KCNMB2: variants seen among roughly 807,000 people sequenced by gnomAD.
KCNMB2 encodes the protein calcium-activated potassium channel subunit beta-2.
A neutral mutation model predicts 24.5 loss-of-function variants in KCNMB2; 9 were observed. The ratio of observed to expected loss-of-function variants is 0.37; its 90% CI spans 0.22 to 0.64. The LOEUF (loss-of-function observed/expected upper bound fraction) is 0.64, where lower values mean the gene tolerates loss of function less well. KCNMB2 is among the 30% of genes least tolerant of loss of function. The pLI is 0.63. For missense variants in KCNMB2, 226 were observed against 284.3 expected (o/e 0.79, Z 1.47); for synonymous variants, 109 against 104.4 (o/e 1.04, Z -0.27).
chr3:178,759,150 ATATC>A lies in KCNMB2; in HGVS notation c.-67-48187_-67-48184del, dbSNP rs1173412986. Among the ~76,000 whole-genome samples, 9 of 72,314 alleles carry A rather than the reference ATATC, an allele frequency of 1.2e-4. 1 individual carries two copies. Among genetic ancestry groups the A allele is most frequent in the African/African-American group, 4.1e-4 (7 of 16,960 alleles). 47.4% of individuals were successfully genotyped at this position (72,314 alleles called of 152,430 possible). A position where few individuals can be genotyped will look rare whatever the true frequency, so the allele number is the denominator to read the frequency against. ...ATATCTCCAAGAGGGATATATATAT[ATATC>A]TATCTCCAAGAGGGATACATATATA... On this transcript the variant is annotated intron_variant, in intron 1 of 4. Coordinates refer to ENST00000452583, the MANE Select transcript of KCNMB2 (RefSeq NM_181361.3).
chr3:178,844,170 TA>T lies in KCNMB2; in HGVS notation c.*1234del, dbSNP rs1370504506. On this transcript the variant is annotated 3_prime_UTR_variant, in exon 5 of 5. Transcript: ENST00000452583. ...AAAAAACATTCCATCTTTCATTTAA[TA>T]TCAATATCAAAAGAAGAAGACAAAC... 2.0e-5 allele frequency: 3 copies of T among 152,560 alleles called. No homozygotes were observed. Among genetic ancestry groups the T allele is most frequent in the African/African-American group, 7.2e-5 (3 of 41,448 alleles). The allele number at this position is 152,560 out of a possible 1,614,324, so 9.5% of individuals were successfully genotyped here.
At chr3:178,572,012 T>C (rs1242324924) in intron 1 of KCNMB2, among the ~76,000 whole-genome samples, 1 of 152,246 alleles carries the variant, frequency 6.6e-6, no homozygotes, top group African/African-American at 2.4e-5. Context: ...TGTGTCTTTG[T>C]TTCCCACTCT....
chr3:178,719,208 T>TCAGCATACCAAACC (rs1722718306), intron 1 of KCNMB2, among the ~76,000 whole-genome samples: 1 of 152,152 alleles, frequency 6.6e-6, no homozygotes, highest in Non-Finnish European at 1.5e-5. Flanking sequence ...CTTTCTCCTG[T>TCAGCATACCAAACC]CAGCATACCA....
chr3:178,561,683 A>C (rs1716321459), intron 1 of KCNMB2, among the ~76,000 whole-genome samples: 1 of 152,240 alleles, frequency 6.6e-6, no homozygotes, highest in African/African-American at 2.4e-5. Context: ...TCCCTGTATC[A>C]GGAGATTCAA....
intron 1 of KCNMB2, among the ~76,000 whole-genome samples, chr3:178,704,061 G>A (rs992275556): frequency 2.6e-5 from 4 of 151,978 alleles, no homozygotes; most frequent in African/African-American, 9.7e-5. Flanking sequence ...TTATAATGCT[G>A]GAATTTGAAA....
chr3:178,571,447 G>GAGAT lies in KCNMB2; in HGVS notation c.-68+34737_-68+34738insGATA, dbSNP rs1491315279. Among the ~76,000 whole-genome samples the GAGAT allele has an allele frequency of 3.1e-3, 279 of 91,090 alleles. 3 individuals carry two copies. The highest frequency in any genetic ancestry group is 8.7e-3 in the African/African-American group (264 of 30,184). 59.8% of individuals were successfully genotyped at this position (91,090 alleles called of 152,430 possible). A position where few individuals can be genotyped will look rare whatever the true frequency, so the allele number is the denominator to read the frequency against. On this transcript the variant is annotated intron_variant, in intron 1 of 4. Coordinates refer to ENST00000452583, the MANE Select transcript of KCNMB2 (RefSeq NM_181361.3). ...TCTGTGGATCTGCCTTTTCCTTATG[G>GAGAT]ATATATATATATATATATATATATA... is the stretch of plus-strand genomic sequence containing the variant.
chr3:178,543,216 T>G (rs1360644931), intron 1 of KCNMB2, among the ~76,000 whole-genome samples: 1 of 152,232 alleles, frequency 6.6e-6, no homozygotes, highest in Non-Finnish European at 1.5e-5. Context: ...GTATGACATT[T>G]GCTCACTGCT....
At chr3:178,627,505 T>C (rs1719164954) in intron 1 of KCNMB2, among the ~76,000 whole-genome samples, 1 of 152,224 alleles carries the variant, frequency 6.6e-6, no homozygotes, top group Non-Finnish European at 1.5e-5. Flanking sequence ...TAAAAGCGTG[T>C]GAGAAATGAT....
intron 1 of KCNMB2, among the ~76,000 whole-genome samples, chr3:178,701,238 G>A (rs1035911858): frequency 6.6e-6 from 1 of 152,092 alleles, no homozygotes; most frequent in Non-Finnish European, 1.5e-5. Flanking sequence ...TCTTGTTTTT[G>A]TCAGGTTTGT....
chr3:178,697,008 G>A (rs1282577660), intron 1 of KCNMB2, among the ~76,000 whole-genome samples: 2 of 152,128 alleles, frequency 1.3e-5, no homozygotes, highest in East Asian at 3.9e-4. Context: ...ATTTGCTGAG[G>A]AGTATTTCAC....
rs150566957 is a variant in KCNMB2, at chr3:178,543,705, A to C, written c.-68+6994A>C. 1.3e-3 allele frequency among the ~76,000 whole-genome samples: 201 copies of C among 152,258 alleles called. 2 individuals carry two copies. In the East Asian group the frequency reaches 0.036, roughly 27 times the overall value. On this transcript the variant is annotated intron_variant, in intron 1 of 4. Transcript: ENST00000452583. ...TTCCGATTCCTGAAGCTTGGTAACTAATGGTTGAATTTTGGGGGATGTGTT... is the reference window on the plus strand; with the variant it reads ...TTCCGATTCCTGAAGCTTGGTAACTCATGGTTGAATTTTGGGGGATGTGTT...
chr3:178,684,553 C>T (rs1248216806), intron 1 of KCNMB2, among the ~76,000 whole-genome samples: 3 of 152,074 alleles, frequency 2.0e-5, no homozygotes, highest in African/African-American at 4.8e-5. Flanking sequence ...TGTGGCCAGG[C>T]GTGGTGGCTC....
chr3:178,806,683 CATAATA>C (rs61194423), intron 1 of KCNMB2, among the ~76,000 whole-genome samples: 57,855 of 147,678 alleles, frequency 0.39, 12,566 homozygotes, highest in African/African-American at 0.6. Context: ...AAAGCCAAGT[CATAATA>C]ATAATAATAA....
intron 1 of KCNMB2, among the ~76,000 whole-genome samples, chr3:178,627,453 AC>A (rs1360129573): frequency 6.6e-6 from 1 of 152,090 alleles, no homozygotes; most frequent in African/African-American, 2.4e-5. Flanking sequence ...GAAACCTAAC[AC>A]CCAGTTCTTT....
intron 2 of KCNMB2, among the ~76,000 whole-genome samples, 187 bp from the exon 3 acceptor site, chr3:178,825,401 T>A (rs1312471015): frequency 2.0e-5 from 3 of 152,126 alleles, no homozygotes; most frequent in Non-Finnish European, 4.4e-5. Flanking sequence ...CAAGCGTGCA[T>A]GTGCTTGTGA....
Position 178,571,541 on chromosome 3 carries a change from G to C in KCNMB2, c.-68+34830G>C, listed in dbSNP as rs1406941586. On this transcript the variant is annotated intron_variant, in intron 1 of 4. Transcript: ENST00000452583. Reference sequence around the variant, plus strand: ...TGTTTATGTATTTATTTTACTTTAAGTTCTGGGATACATGTGCAGAACATG... The same window carrying C: ...TGTTTATGTATTTATTTTACTTTAACTTCTGGGATACATGTGCAGAACATG... 5.6e-5 allele frequency among the ~76,000 whole-genome samples: 8 copies of C among 143,608 alleles called. No individual in the cohort carries two copies. In the East Asian group the frequency reaches 1.7e-3, roughly 30 times the overall value. 94.2% of individuals were successfully genotyped at this position (143,608 alleles called of 152,430 possible).
intron 2 of KCNMB2, 52 bp from the exon 3 acceptor site, chr3:178,825,536 G>T: frequency 6.6e-7 from 1 of 1,507,092 alleles, no homozygotes; most frequent in Middle Eastern, 1.7e-4. Context: ...GCTCTCTAGG[G>T]GCATGCTGAT....
chr3:178,667,121 G>C (rs1057296411), intron 1 of KCNMB2, among the ~76,000 whole-genome samples: 4 of 151,744 alleles, frequency 2.6e-5, no homozygotes, highest in African/African-American at 4.8e-5. Flanking sequence ...ATGGACATGG[G>C]GGGTCAAGTG....
intron 1 of KCNMB2, among the ~76,000 whole-genome samples, chr3:178,539,538 A>G (rs922685453): frequency 6.6e-6 from 1 of 152,178 alleles, no homozygotes; most frequent in Admixed American, 6.5e-5. Flanking sequence ...ATCATGTAGT[A>G]TGTCTTCACC....
Sources: gnomAD v4.1 joint callset for allele counts (sites outside exome capture counted in the v4.1 genomes callset) on GRCh38, gnomAD v4.1.1 for gene constraint, MANE v1.5 for transcripts, NCBI Gene and HGNC (gene_info 2026-07-23, HGNC 2026-07-21) for gene names.